The following ANO10 variants were observed in gnomAD, a reference collection of about 807,000 sequenced individuals.
The protein encoded by ANO10 is anoctamin-10.
ANO10 carries 77 observed loss-of-function variants against 74.7 expected under a neutral mutation model. The ratio of observed to expected loss-of-function variants is 1.03; its 90% CI spans 0.86 to 1.25. The LOEUF (loss-of-function observed/expected upper bound fraction) is 1.25, where lower values mean the gene tolerates loss of function less well. Among genes scored for constraint, ANO10 ranks in the 50% most tolerant of loss-of-function variants. The pLI is 0.00. For synonymous variants in ANO10, 279 were observed against 284.9 expected, an observed-to-expected ratio of 0.98 and a Z score of 0.21; for missense variants, 721 against 778.1, an observed-to-expected ratio of 0.93 and a Z score of 0.87.
At chr3:43,633,024 A>G (rs2083565443) in intron 1 of ANO10, among the ~76,000 whole-genome samples, 1 of 152,230 alleles carries the variant, frequency 6.6e-6, no homozygotes, top group Non-Finnish European at 1.5e-5. Flanking sequence ...ATGCCTCAAC[A>G]TATCAAGTAG....
In ANO10 at chr3:43,600,835, C is replaced by T. The variant is rs534775736; in HGVS notation, c.140-254G>A. ...TTATTCAAATGAGAAGTAGATGAGA[C>T]GAGAATTCAATATTTCCGAGCTCTA... On this transcript the variant is annotated intron_variant, in intron 2 of 12. Coordinates refer to ENST00000292246, the MANE Select transcript of ANO10 (RefSeq NM_018075.5). 4.6e-5 allele frequency among the ~76,000 whole-genome samples: 7 copies of T among 151,918 alleles called. No individual in the cohort carries two copies. In the East Asian group the frequency reaches 7.7e-4, roughly 17 times the overall value.
At chr3:43,457,450 GGA>G (rs1249947474) in intron 11 of ANO10, among the ~76,000 whole-genome samples, 9 of 152,172 alleles carry the variant, frequency 5.9e-5, no homozygotes, top group African/African-American at 2.2e-4. Context: ...GAAGGCAGCA[GGA>G]GAGAGAAGGG....
rs145986922 is a variant in ANO10 at position 43,416,883 on chromosome 3, T to C, written c.1914+15728A>G. 6.0e-4 allele frequency among the ~76,000 whole-genome samples: 91 copies of C among 152,330 alleles called. 1 individual carries two copies. Among genetic ancestry groups the C allele is most frequent in the African/African-American group, 1.8e-3 (73 of 41,582 alleles). On this transcript the variant is annotated intron_variant, in intron 12 of 12. Coordinates refer to ENST00000292246, the MANE Select transcript of ANO10 (RefSeq NM_018075.5). ...ATGCAATGGATCAAAAGACGAGTTA[T>C]TTCAAACATCCACTCTGTGTACCTA...
At chr3:43,541,407 G>A (rs2078947929) in intron 11 of ANO10, among the ~76,000 whole-genome samples, 1 of 152,160 alleles carries the variant, frequency 6.6e-6, no homozygotes, top group African/African-American at 2.4e-5. Flanking sequence ...CACAGAGCTA[G>A]TCAGTGGTGT....
At chr3:43,438,212 CATTTGAGACCAGG>C (rs1341179935) in intron 11 of ANO10, among the ~76,000 whole-genome samples, 2 of 152,068 alleles carry the variant, frequency 1.3e-5, no homozygotes, top group Non-Finnish European at 2.9e-5. Context: ...GGTGGAGGAT[CATTTGAGACCAGG>C]ATTTGAGACT....
chr3:43,504,791 G>A (rs889268156), intron 11 of ANO10, among the ~76,000 whole-genome samples: 2 of 151,976 alleles, frequency 1.3e-5, no homozygotes, highest in Admixed American at 6.6e-5. Flanking sequence ...ACAGGCACAT[G>A]CCACCATGCT....
At chr3:43,428,650 A>T (rs1279618106) in intron 12 of ANO10, among the ~76,000 whole-genome samples, 2 of 152,076 alleles carry the variant, frequency 1.3e-5, no homozygotes, top group Admixed American at 1.3e-4. Flanking sequence ...TTTTAACCAG[A>T]GAATCAGATC....
At chr3:43,577,460 G>A (rs1276719348) in intron 5 of ANO10, among the ~76,000 whole-genome samples, 199 bp from the exon 6 acceptor site, 1 of 152,182 alleles carries the variant, frequency 6.6e-6, no homozygotes, top group Non-Finnish European at 1.5e-5. Flanking sequence ...ATTTCCCCCA[G>A]GTTAGGGGCC....
intron 11 of ANO10, among the ~76,000 whole-genome samples, chr3:43,500,324 A>G (rs2077054625): frequency 6.6e-6 from 1 of 152,170 alleles, no homozygotes; most frequent in African/African-American, 2.4e-5. Context: ...ATTTCCTTCC[A>G]AGCAGCTGGC....
intron 11 of ANO10, among the ~76,000 whole-genome samples, chr3:43,514,166 G>T (rs1011572551): frequency 1.3e-5 from 2 of 151,678 alleles, no homozygotes; most frequent in Admixed American, 6.6e-5. Context: ...AAATATAAAT[G>T]CCATAACGCC....
intron 11 of ANO10, among the ~76,000 whole-genome samples, chr3:43,499,982 C>T (rs2077043495): frequency 6.6e-6 from 1 of 152,044 alleles, no homozygotes; most frequent in South Asian, 2.1e-4. Context: ...CAGGTGCATG[C>T]CACCACACCT....
chr3:43,676,395 GGCCGTACTGA>G (rs2084121924), intron 1 of ANO10, among the ~76,000 whole-genome samples: 1 of 152,114 alleles, frequency 6.6e-6, no homozygotes, highest in Admixed American at 6.5e-5. Flanking sequence ...AGATGATCAA[GGCCGTACTGA>G]GCCAGGTTTG....
intron 4 of ANO10, among the ~76,000 whole-genome samples, chr3:43,597,098 A>C (rs2082124522): frequency 6.6e-6 from 1 of 152,230 alleles, no homozygotes; most frequent in South Asian, 2.1e-4. Flanking sequence ...GGTGATCATT[A>C]AAAAGTCAGG....
chr3:43,408,428 T>C (rs1203510384), intron 12 of ANO10, among the ~76,000 whole-genome samples: 2 of 152,198 alleles, frequency 1.3e-5, no homozygotes, highest in Non-Finnish European at 2.9e-5. Flanking sequence ...GCAGCATATA[T>C]TGTGATTTTG....
In ANO10 at chr3:43,586,406, C is replaced by T. The variant is rs540590790; in HGVS notation, c.473-5934G>A. ...AGGGACTAAAATGGCTCAAGGAGAA[C>T]GCACTGCCAGGTAAAATCTGAGCTT... On this transcript the variant is annotated intron_variant, in intron 4 of 12. Transcript: ENST00000292246. Among the ~76,000 whole-genome samples the T allele has an allele frequency of 3.9e-5, 6 of 152,172 alleles. No individual in the cohort carries two copies. In the East Asian group the frequency reaches 5.8e-4, roughly 15 times the overall value.
chr3:43,685,802 ACTTT>A (rs1173091144), intron 1 of ANO10, among the ~76,000 whole-genome samples: 5 of 152,078 alleles, frequency 3.3e-5, no homozygotes, highest in Non-Finnish European at 5.9e-5. Context: ...TTTTTTCATC[ACTTT>A]CTATTTTTTA....
intron 12 of ANO10, among the ~76,000 whole-genome samples, chr3:43,411,124 T>C (rs1396346690): frequency 6.6e-6 from 1 of 152,180 alleles, no homozygotes; most frequent in African/African-American, 2.4e-5. Context: ...TTAGGCATTA[T>C]GTGTTTTGAT....
chr3:43,425,200 CTTTT>C (rs74270681), intron 12 of ANO10, among the ~76,000 whole-genome samples: 1 of 131,074 alleles, frequency 7.6e-6, no homozygotes, highest in Non-Finnish European at 1.6e-5. Context: ...TTTACTGTAA[CTTTT>C]TTTTTTTTTT....
intron 11 of ANO10, among the ~76,000 whole-genome samples, chr3:43,495,682 G>T (rs1345709221): frequency 6.6e-6 from 1 of 151,848 alleles, no homozygotes. Flanking sequence ...ACAACATTTT[G>T]CCTATCCAAT....
Sources: allele counts gnomAD v4.1 joint callset (sites outside exome capture counted in the v4.1 genomes callset), GRCh38; gene constraint gnomAD v4.1.1; transcripts MANE v1.5; gene names NCBI Gene and HGNC (gene_info 2026-07-23, HGNC 2026-07-21).